GRIN2A: variants seen among roughly 807,000 people sequenced by gnomAD.
The protein encoded by GRIN2A is glutamate ionotropic receptor NMDA type subunit 2A.
A neutral mutation model predicts 113.4 loss-of-function variants in GRIN2A; 22 were observed. The ratio of observed to expected loss-of-function variants is 0.19; its 90% CI spans 0.14 to 0.28. The LOEUF (loss-of-function observed/expected upper bound fraction) is 0.28. Among genes scored for constraint, GRIN2A ranks in the 10% least tolerant of loss-of-function variants. The pLI is 1.00. For missense variants in GRIN2A, 1,502 were observed against 1,887.0 expected (o/e 0.80, Z 3.78); for synonymous variants, 827 against 738.4 (o/e 1.12, Z -1.94).
intron 2 of GRIN2A, among the ~76,000 whole-genome samples, chr16:10,009,375 G>A (rs987809650): frequency 6.6e-6 from 1 of 152,146 alleles, no homozygotes; most frequent in African/African-American, 2.4e-5. Context: ...AGGTAGGTAA[G>A]GATGAAGTGA....
intron 4 of GRIN2A, among the ~76,000 whole-genome samples, chr16:9,864,435 T>G (rs2043126661): frequency 7.4e-6 from 1 of 135,658 alleles, no homozygotes; most frequent in Non-Finnish European, 1.6e-5. Flanking sequence ...TGGCAAGTTT[T>G]TTTTTAAATG....
chr16:9,823,072 C>G (rs2042317916), intron 9 of GRIN2A, among the ~76,000 whole-genome samples: 1 of 152,174 alleles, frequency 6.6e-6, no homozygotes, highest in Non-Finnish European at 1.5e-5. Flanking sequence ...CCCTGTTGAT[C>G]TTTAGCTATC....
At chr16:10,012,529 G>A (rs1567233614) in intron 2 of GRIN2A, among the ~76,000 whole-genome samples, 1 of 152,176 alleles carries the variant, frequency 6.6e-6, no homozygotes, top group Non-Finnish European at 1.5e-5. Context: ...CTAAAAGGGT[G>A]GCCATGTGGG....
chr16:9,792,234 T>G (rs918974731), intron 11 of GRIN2A, among the ~76,000 whole-genome samples: 2 of 152,136 alleles, frequency 1.3e-5, no homozygotes, highest in Non-Finnish European at 2.9e-5. Context: ...AATGTAATTA[T>G]TTTTTGGAGA....
intron 2 of GRIN2A, among the ~76,000 whole-genome samples, chr16:10,063,360 A>G (rs545865197): frequency 6.6e-6 from 1 of 152,312 alleles, no homozygotes; most frequent in East Asian, 1.9e-4. Context: ...GATCTAAAAT[A>G]AAAGTTGAAA....
chr16:9,903,799 A>G (rs919712700), intron 3 of GRIN2A, among the ~76,000 whole-genome samples: 3 of 152,254 alleles, frequency 2.0e-5, no homozygotes, highest in Non-Finnish European at 4.4e-5. Flanking sequence ...AATTTTAAAA[A>G]GACACCTCTT....
intron 3 of GRIN2A, among the ~76,000 whole-genome samples, chr16:9,934,799 T>C (rs2044674978): frequency 6.6e-6 from 1 of 151,694 alleles, no homozygotes; most frequent in Non-Finnish European, 1.5e-5. Flanking sequence ...GTTTCCACTA[T>C]TCCCTGGGGT....
At chr16:9,844,973 A>G (rs1026260150) in intron 5 of GRIN2A, among the ~76,000 whole-genome samples, 6 of 152,200 alleles carry the variant, frequency 3.9e-5, no homozygotes, top group Admixed American at 3.9e-4. Context: ...GGTTTCACAC[A>G]ATCATGTTGT....
intron 2 of GRIN2A, among the ~76,000 whole-genome samples, chr16:10,040,239 ACAC>A (rs1331045752): frequency 1.3e-5 from 2 of 151,206 alleles, no homozygotes; most frequent in Non-Finnish European, 3.0e-5. Context: ...ACACACATTC[ACAC>A]CACACACACA....
At chr16:9,863,923 T>C (rs775756689) in intron 4 of GRIN2A, among the ~76,000 whole-genome samples, 6 of 152,230 alleles carry the variant, frequency 3.9e-5, no homozygotes, top group Non-Finnish European at 7.4e-5. Context: ...AAAAAAAGTT[T>C]AGGAGGAGAT....
intron 2 of GRIN2A, among the ~76,000 whole-genome samples, chr16:10,071,687 C>G (rs2047752874): frequency 6.6e-6 from 1 of 152,142 alleles, no homozygotes; most frequent in African/African-American, 2.4e-5. Flanking sequence ...TGAGCCTGTA[C>G]TCTTGAGAGC....
intron 2 of GRIN2A, among the ~76,000 whole-genome samples, chr16:9,940,921 T>G (rs890931472): frequency 6.6e-5 from 10 of 152,142 alleles, no homozygotes; most frequent in Admixed American, 5.9e-4. Flanking sequence ...AACACAGAAG[T>G]AGAGTCTAAA....
chr16:9,954,738 T>C (rs1194937242), intron 2 of GRIN2A, among the ~76,000 whole-genome samples: 7 of 152,198 alleles, frequency 4.6e-5, no homozygotes, highest in Admixed American at 2.0e-4. Context: ...GGGATTTTAA[T>C]GAGCCTTCTG....
intron 5 of GRIN2A, among the ~76,000 whole-genome samples, chr16:9,845,125 T>C (rs898906547): frequency 1.3e-5 from 2 of 152,118 alleles, no homozygotes; most frequent in African/African-American, 4.8e-5. Flanking sequence ...GACTTTCATT[T>C]CATCCAGACA....
chr16:10,130,159 G>A (rs920918969), intron 2 of GRIN2A, among the ~76,000 whole-genome samples: 4 of 152,206 alleles, frequency 2.6e-5, no homozygotes, highest in Non-Finnish European at 5.9e-5. Flanking sequence ...ACTCATTCAA[G>A]GTTACATGGC....
chr16:9,783,058 G>C (rs1210347790), intron 11 of GRIN2A, among the ~76,000 whole-genome samples: 2 of 152,196 alleles, frequency 1.3e-5, no homozygotes, highest in African/African-American at 4.8e-5. Flanking sequence ...AGGAGAGTAA[G>C]TGACTTAGTT....
chr16:10,070,834 T>A (rs16956834), intron 2 of GRIN2A, among the ~76,000 whole-genome samples: 6,620 of 152,282 alleles, frequency 0.043, 505 homozygotes, highest in African/African-American at 0.15. Flanking sequence ...AGAAGACATG[T>A]TCCAAGTACC....
chr16:10,121,715 C>T (rs1373108533), intron 2 of GRIN2A: 7 of 152,144 alleles, frequency 4.6e-5, no homozygotes, highest in Admixed American at 2.6e-4. Flanking sequence ...TGCACAGGAA[C>T]GTGGGGGTTT....
chr16:9,924,394 T>C (rs1347363160), intron 3 of GRIN2A, among the ~76,000 whole-genome samples: 2 of 152,224 alleles, frequency 1.3e-5, no homozygotes, highest in Non-Finnish European at 2.9e-5. Context: ...CAAAATATCT[T>C]TCTGCATTCT....
Sources: gnomAD v4.1 joint callset for allele counts (sites outside exome capture counted in the v4.1 genomes callset) on GRCh38, gnomAD v4.1.1 for gene constraint, MANE v1.5 for transcripts, NCBI Gene and HGNC (gene_info 2026-07-23, HGNC 2026-07-21) for gene names.